Variants in TLE2 observed in about 807,000 individuals in gnomAD.
TLE2 encodes transducin-like enhancer protein 2.
Under a neutral mutation model 97.2 loss-of-function variants are expected in TLE2, and 74 were observed. The ratio of observed to expected loss-of-function variants is 0.76; its 90% CI spans 0.63 to 0.92. TLE2 has a LOEUF of 0.92. Ranked by LOEUF, TLE2 falls within the 40% of genes least tolerant of loss-of-function variation. The probability of loss-of-function intolerance (pLI) is 0.00; values close to 1 mark genes in which losing one functional copy is unlikely to be tolerated. For synonymous variants in TLE2, 499 were observed against 432.1 expected (o/e 1.15, Z -1.92); for missense variants, 1,038 against 1,008.7 (o/e 1.03, Z -0.39).
chr19:3,025,606 G>A (rs1347866252), intron 4 of TLE2: 15 of 984,706 alleles, frequency 1.5e-5, no homozygotes, highest in African/African-American at 3.5e-5. Context: ...CTCAAGGGAA[G>A]GATTTCATCT....
chr19:3,029,538 C>T (rs1339068836), upstream of TLE2: 9 of 818,316 alleles, frequency 1.1e-5, no homozygotes, highest in Non-Finnish European at 1.3e-5. Flanking sequence ...AAATTCACAC[C>T]GTGTTACCCA....
chr19:3,027,899 C>A (rs183625835), intron 3 of TLE2, 26 bp from the exon 4 acceptor site: 8 of 1,601,844 alleles, frequency 5.0e-6, no homozygotes, highest in Middle Eastern at 3.3e-4. Flanking sequence ...CAAGTAAGAA[C>A]GTCTAGGGTG....
upstream of TLE2, among the ~76,000 whole-genome samples, chr19:3,030,120 A>G (rs1615419): frequency 0.51 from 77,984 of 151,950 alleles, 20,626 homozygotes; most frequent in African/African-American, 0.65. Flanking sequence ...TAAATGAGAT[A>G]GTGCATGAAC....
At chr19:2,999,680 T>C (rs1262922734) in intron 19 of TLE2, among the ~76,000 whole-genome samples, 2 of 143,662 alleles carry the variant, frequency 1.4e-5, no homozygotes, top group Non-Finnish European at 3.0e-5. Flanking sequence ...TAAGCAGAGA[T>C]AGTGCCGCTG....
At chr19:3,025,851 C>T (rs1241498929) in intron 4 of TLE2, among the ~76,000 whole-genome samples, 3 of 152,144 alleles carry the variant, frequency 2.0e-5, no homozygotes, top group African/African-American at 7.2e-5. Flanking sequence ...TGGGACCACG[C>T]CATGCTTCAG....
At position 3,017,795 on chromosome 19, in the gene TLE2, G is replaced by A. The variant is rs375043282; in HGVS notation, c.570+45C>T. ...CCCCATCAGCTCAGAACCAGCGTTG[G>A]CCTCCCAAGAATATAAAAAGAGTCC... On this transcript the variant is annotated intron_variant, in intron 8 of 19. Coordinates refer to ENST00000262953, the MANE Select transcript of TLE2 (RefSeq NM_003260.5). The A allele has an allele frequency of 8.1e-6, 13 of 1,597,270 alleles. 1 individual carries two copies. In the South Asian group the frequency reaches 1.5e-4, roughly 18 times the overall value.
chr19:2,998,494 G>T (rs1450595638), intron 19 of TLE2, among the ~76,000 whole-genome samples: 1 of 151,852 alleles, frequency 6.6e-6, no homozygotes, highest in Non-Finnish European at 1.5e-5. Context: ...GCCAGGTTGG[G>T]CTTGAACTCC....
In TLE2 at chr19:3,025,077, C is replaced by A; in HGVS notation, c.237G>T (p.Glu79Asp). ...GLNIEMHKQAEIVKRLSGICA... is the reference protein window; with the variant it reads ...GLNIEMHKQADIVKRLSGICA... ...AGATACCGCTCAGACGCTTCACAAT[C>A]TCCGCCTGGCAGGAAGCAATGAGAG... The change falls in exon 5 of 20, where the codon GAG becomes GAT. Residue 79 changes from glutamate to aspartate, a missense_variant. Physicochemically the swap from Glu to Asp is conservative, Grantham distance 45. Transcript: ENST00000262953. 1 of 1,595,090 alleles carries A rather than the reference C, an allele frequency of 6.3e-7. No individual in the cohort carries two copies. The highest frequency in any genetic ancestry group is 1.1e-5 in the South Asian group (1 of 88,450).
chr19:3,025,010 G>A lies in TLE2; in HGVS notation c.294+10C>T, dbSNP rs1359655949. ...CTTCCCCTCCTCCCCCCACCCCCAG[G>A]CCCACTCACCTCCTGGGTCAGGAAG... On this transcript the variant is annotated intron_variant, in intron 5 of 19. Coordinates refer to ENST00000262953, the MANE Select transcript of TLE2 (RefSeq NM_003260.5). The A allele has an allele frequency of 6.3e-7, 1 of 1,587,726 alleles. No homozygotes were observed. Among genetic ancestry groups the A allele is most frequent in the Non-Finnish European group, 8.6e-7 (1 of 1,167,166 alleles).
chr19:2,999,843 G>C (rs1164507483), intron 19 of TLE2, among the ~76,000 whole-genome samples: 1 of 150,096 alleles, frequency 6.7e-6, no homozygotes, highest in Non-Finnish European at 1.5e-5. Context: ...GACCAGCCTA[G>C]ACAACATGGT....
intron 1 of TLE2, among the ~76,000 whole-genome samples, chr19:3,034,946 C>G (rs910112089): frequency 1.3e-5 from 2 of 152,166 alleles, no homozygotes; most frequent in African/African-American, 4.8e-5. Flanking sequence ...GGGCGAGGAA[C>G]AGGGGCATTG....
At chr19:3,003,429 G>A (rs1228827237) in intron 17 of TLE2, among the ~76,000 whole-genome samples, 1 of 152,108 alleles carries the variant, frequency 6.6e-6, no homozygotes, top group Non-Finnish European at 1.5e-5. Context: ...TCTGAGGTCA[G>A]AAGTTCATGA....
chr19:3,016,419 C>CA (rs34669546), intron 8 of TLE2, among the ~76,000 whole-genome samples: 18,211 of 91,492 alleles, frequency 0.2, 1,887 homozygotes, highest in African/African-American at 0.24. Flanking sequence ...ACTAAAAATA[C>CA]AAAAAAAAAA....
chr19:3,027,925 C>G (rs1466344831), intron 3 of TLE2, 52 bp from the exon 4 acceptor site: 7 of 1,558,698 alleles, frequency 4.5e-6, no homozygotes, highest in African/African-American at 4.1e-5. Context: ...GGGTGCCCTC[C>G]TCCAGATAGG....
upstream of TLE2, among the ~76,000 whole-genome samples, chr19:3,031,939 G>GT (rs1426355678): frequency 6.6e-6 from 1 of 151,876 alleles, no homozygotes; most frequent in Admixed American, 6.6e-5. Flanking sequence ...TTTTGTTTTT[G>GT]TTTTTTGAGA....
chr19:3,024,701 G>A (rs907677829), intron 5 of TLE2, among the ~76,000 whole-genome samples: 18 of 152,290 alleles, frequency 1.2e-4, no homozygotes, highest in African/African-American at 4.3e-4. Context: ...TCCTGCCTGA[G>A]GCCACACAGC....
chr19:3,014,211 C>T (rs1003756106), intron 10 of TLE2, among the ~76,000 whole-genome samples: 11 of 152,258 alleles, frequency 7.2e-5, no homozygotes, highest in Middle Eastern at 3.4e-3. Flanking sequence ...TGAGCCACCA[C>T]GCCCGGCCTG....
intron 1 of TLE2, among the ~76,000 whole-genome samples, chr19:3,038,289 C>G (rs2090075899): frequency 6.6e-6 from 1 of 152,148 alleles, no homozygotes; most frequent in Admixed American, 6.5e-5. Context: ...CTCACTGCAG[C>G]CTTGACCTCG....
chr19:3,047,281 G>A (rs1310482927), upstream of TLE2, among the ~76,000 whole-genome samples: 1 of 144,874 alleles, frequency 6.9e-6, no homozygotes, highest in African/African-American at 2.6e-5. Context: ...GGGCGGCCGC[G>A]GCGGGGAGGG....
Sources: gnomAD v4.1 joint callset for allele counts (sites outside exome capture counted in the v4.1 genomes callset) on GRCh38, gnomAD v4.1.1 for gene constraint, MANE v1.5 for transcripts, NCBI Gene and HGNC (gene_info 2026-07-23, HGNC 2026-07-21) for gene names.